ARID2: variants seen among roughly 807,000 people sequenced by gnomAD.
ARID2 encodes AT-rich interactive domain-containing protein 2.
Under a neutral mutation model 184.6 loss-of-function variants are expected in ARID2, and 32 were observed. The ratio of observed to expected loss-of-function variants is 0.17; its 90% CI spans 0.13 to 0.23. The LOEUF (loss-of-function observed/expected upper bound fraction) is 0.23, where lower values mean the gene tolerates loss of function less well. ARID2 is among the 10% of genes least tolerant of loss of function. ARID2 has a pLI of 1.00. For missense variants in ARID2, 1,696 were observed against 2,197.6 expected, an observed-to-expected ratio of 0.77 and a Z score of 4.56; for synonymous variants, 836 against 772.6, an observed-to-expected ratio of 1.08 and a Z score of -1.36.
chr12:45,864,931 A>G (rs1468580752), intron 16 of ARID2, among the ~76,000 whole-genome samples: 1 of 152,192 alleles, frequency 6.6e-6, no homozygotes, highest in Non-Finnish European at 1.5e-5. Context: ...ATCACCCTGC[A>G]AAAGTTACCA....
chr12:45,888,151 C>T (rs1592142408), intron 16 of ARID2, among the ~76,000 whole-genome samples: 3 of 150,624 alleles, frequency 2.0e-5, no homozygotes, highest in Non-Finnish European at 4.4e-5. Context: ...GCCGAGATCG[C>T]GCCACTGCAC....
At chr12:45,801,363 C>T (rs923550087) in intron 3 of ARID2, among the ~76,000 whole-genome samples, 4 of 151,040 alleles carry the variant, frequency 2.6e-5, no homozygotes, top group African/African-American at 9.7e-5. Context: ...TTCACAGTGA[C>T]TTAGTCGAGA....
At chr12:45,843,235 GT>G (rs1943383921) in intron 11 of ARID2, among the ~76,000 whole-genome samples, 3 of 149,774 alleles carry the variant, frequency 2.0e-5, no homozygotes, top group Admixed American at 2.0e-4. Flanking sequence ...GGTATCTTGT[GT>G]AACCTGATAT....
intron 16 of ARID2, chr12:45,881,420 C>T (rs1450539448): frequency 6.5e-6 from 1 of 154,576 alleles, no homozygotes; most frequent in Non-Finnish European, 1.4e-5. Context: ...TCTCTTTCCT[C>T]TTCTTTTTTT....
intron 5 of ARID2, among the ~76,000 whole-genome samples, chr12:45,820,244 C>T (rs1942875960): frequency 6.6e-6 from 1 of 152,106 alleles, no homozygotes; most frequent in African/African-American, 2.4e-5. Context: ...CCTCACGACC[C>T]TAAGGTCAGT....
At chr12:45,830,309 CA>C (rs1410242659) in intron 6 of ARID2, among the ~76,000 whole-genome samples, 1 of 152,044 alleles carries the variant, frequency 6.6e-6, no homozygotes, top group Non-Finnish European at 1.5e-5. Context: ...CAATCATCTA[CA>C]GAGAAATACT....
chr12:45,907,526 A>T lies in ARID2; in HGVS notation c.*2448A>T, dbSNP rs947097932. On this transcript the variant is annotated 3_prime_UTR_variant, in exon 21 of 21. Coordinates refer to ENST00000334344, the MANE Select transcript of ARID2 (RefSeq NM_152641.4). The stretch of plus-strand genomic sequence containing the variant: ...AGAATTTCCTAAATGCGTTTGACCT[A>T]ATGAAACTGATCATGGCTTCCCACT... 1 of 233,092 alleles carries T rather than the reference A, an allele frequency of 4.3e-6. No individual in the cohort carries two copies. Among genetic ancestry groups the T allele is most frequent in the Non-Finnish European group, 8.5e-6 (1 of 117,800 alleles). The allele number at this position is 233,092 out of a possible 1,614,324, so 14.4% of individuals were successfully genotyped here.
At chr12:45,802,748 C>T (rs1348704801) in intron 3 of ARID2, among the ~76,000 whole-genome samples, 2 of 151,844 alleles carry the variant, frequency 1.3e-5, no homozygotes, top group Non-Finnish European at 2.9e-5. Flanking sequence ...AATTTTTTTT[C>T]GTGAGTCAAT....
chr12:45,887,071 C>T (rs1944203664), intron 16 of ARID2, among the ~76,000 whole-genome samples: 1 of 152,164 alleles, frequency 6.6e-6, no homozygotes, highest in Non-Finnish European at 1.5e-5. Flanking sequence ...ACCTAGTAGC[C>T]TATGTGAATA....
At chr12:45,752,969 G>A (rs986293779) in intron 3 of ARID2, among the ~76,000 whole-genome samples, 7 of 152,186 alleles carry the variant, frequency 4.6e-5, no homozygotes, top group Admixed American at 4.6e-4. Flanking sequence ...TTCATTAAAA[G>A]TTTTTTTCCA....
chr12:45,904,239 T>C, intron 20 of ARID2: 3 of 631,588 alleles, frequency 4.7e-6, no homozygotes, highest in East Asian at 5.9e-5. Flanking sequence ...CTAAGAAGCT[T>C]TAATTATACC....
At chr12:45,748,468 C>G (rs762309358) in intron 3 of ARID2, among the ~76,000 whole-genome samples, 2 of 152,166 alleles carry the variant, frequency 1.3e-5, no homozygotes, top group Non-Finnish European at 2.9e-5. Flanking sequence ...GAGTCATAAT[C>G]TTTTTACTGG....
chr12:45,899,567 C>G (rs995227717), intron 20 of ARID2, among the ~76,000 whole-genome samples: 1 of 149,654 alleles, frequency 6.7e-6, no homozygotes, highest in Admixed American at 6.7e-5. Flanking sequence ...GATCCCACCA[C>G]TGCACTCCAG....
At chr12:45,839,132 G>A (rs2138135763) in intron 10 of ARID2, among the ~76,000 whole-genome samples, 197 bp from the exon 11 acceptor site, 2 of 151,804 alleles carry the variant, frequency 1.3e-5, no homozygotes, top group South Asian at 4.2e-4. Flanking sequence ...CCAAAGTGCT[G>A]GGATTACAGG....
intron 3 of ARID2, among the ~76,000 whole-genome samples, chr12:45,809,678 G>T (rs1202890331): frequency 2.6e-5 from 4 of 152,152 alleles, no homozygotes; most frequent in African/African-American, 9.7e-5. Flanking sequence ...AAAAATATTG[G>T]ATTCATTATC....
At chr12:45,773,280 A>G (rs1941912429) in intron 3 of ARID2, among the ~76,000 whole-genome samples, 1 of 152,028 alleles carries the variant, frequency 6.6e-6, no homozygotes, top group Non-Finnish European at 1.5e-5. Context: ...GTAATTGTAA[A>G]TGTCTATTAA....
intron 15 of ARID2, among the ~76,000 whole-genome samples, 188 bp from the exon 16 acceptor site, chr12:45,860,613 A>G (rs1241867283): frequency 6.6e-6 from 1 of 151,954 alleles, no homozygotes; most frequent in Non-Finnish European, 1.5e-5. Context: ...TAAATAAAAT[A>G]AACTTTCTAA....
Position 45,729,943 on chromosome 12 carries a change from G to A in ARID2, c.92+15G>A, listed in dbSNP as rs763554138. On this transcript the variant is annotated intron_variant, in intron 1 of 20. Coordinates refer to ENST00000334344, the MANE Select transcript of ARID2 (RefSeq NM_152641.4). ...CACAGCAGAGGGTGAGAGCAGAACC[G>A]GGGGGGCAGCGCCGGGGCGAGCCGG... 4 of 1,602,044 alleles carry A rather than the reference G, an allele frequency of 2.5e-6. No individual in the cohort carries two copies. Among genetic ancestry groups the A allele is most frequent in the Non-Finnish European group, 3.4e-6 (4 of 1,173,670 alleles).
At chr12:45,878,713 T>C (rs2138214297) in intron 16 of ARID2, among the ~76,000 whole-genome samples, 1 of 152,300 alleles carries the variant, frequency 6.6e-6, no homozygotes, top group Non-Finnish European at 1.5e-5. Context: ...ATTTGTGTGA[T>C]ATCTGAGTCT....
Sources: gnomAD v4.1 joint callset for allele counts (sites outside exome capture counted in the v4.1 genomes callset) on GRCh38, gnomAD v4.1.1 for gene constraint, MANE v1.5 for transcripts, NCBI Gene and HGNC (gene_info 2026-07-23, HGNC 2026-07-21) for gene names.